The following CSMD3 variants were observed in gnomAD, a reference collection of about 807,000 sequenced individuals.
The protein encoded by CSMD3 is CUB and Sushi multiple domains 3, also known as CUB and sushi domain-containing protein 3.
In CSMD3, 177 loss-of-function variants were observed where a neutral mutation model predicts 435.2. The observed-to-expected ratio is 0.41, with a 90% CI of 0.36 to 0.46. CSMD3 has a LOEUF of 0.46. Ranked by LOEUF, CSMD3 falls within the 20% of genes least tolerant of loss-of-function variation. CSMD3 has a pLI of 0.34. For synonymous variants in CSMD3, 1,656 were observed against 1,520.5 expected, an observed-to-expected ratio of 1.09 and a Z score of -2.07; for missense variants, 4,265 against 4,504.6, an observed-to-expected ratio of 0.95 and a Z score of 1.52.
intron 11 of CSMD3, among the ~76,000 whole-genome samples, chr8:112,852,766 C>T (rs992875143): frequency 2.0e-5 from 3 of 151,784 alleles, no homozygotes; most frequent in African/African-American, 7.3e-5. Flanking sequence ...ACTAAAAATA[C>T]AAAAAATTAG....
intron 1 of CSMD3, among the ~76,000 whole-genome samples, chr8:113,416,085 C>G (rs76956580): frequency 0.018 from 2,744 of 152,034 alleles, 93 homozygotes; most frequent in African/African-American, 0.06. Flanking sequence ...TTTCTATGTC[C>G]TTAGCATAGC....
chr8:113,024,490 T>A (rs1026586178), intron 5 of CSMD3, among the ~76,000 whole-genome samples: 15 of 152,196 alleles, frequency 9.9e-5, no homozygotes, highest in African/African-American at 3.4e-4. Flanking sequence ...TATTGCTGGG[T>A]CATATGGTAG....
rs927697057 is a variant in CSMD3, at chr8:112,552,448, G to A, written c.4361+146C>T. ...TTGCAGTGAGCCGAGATCGAGCCCTGCCTTCCGGTCTGGATGTCAGAGCAA... is the reference window on the plus strand; with the variant it reads ...TTGCAGTGAGCCGAGATCGAGCCCTACCTTCCGGTCTGGATGTCAGAGCAA... On this transcript the variant is annotated intron_variant, in intron 26 of 70. Transcript: ENST00000297405. 9.5e-6 allele frequency: 7 copies of A among 738,604 alleles called. No individual in the cohort carries two copies. The African/African-American group carries it at 1.2e-4, about 13-fold the overall frequency. The allele number at this position is 738,604 out of a possible 1,614,324, so 45.8% of individuals were successfully genotyped here.
chr8:113,067,170 T>C (rs1175852756), intron 5 of CSMD3, among the ~76,000 whole-genome samples: 1 of 152,158 alleles, frequency 6.6e-6, no homozygotes, highest in Non-Finnish European at 1.5e-5. Flanking sequence ...TAAATTCCCT[T>C]TTATACTTAC....
At position 112,980,356 on chromosome 8, in the gene CSMD3, A is replaced by G. The variant is rs141013445; in HGVS notation, c.1031-4208T>C. 6.7e-3 allele frequency among the ~76,000 whole-genome samples: 1,008 copies of G among 151,464 alleles called. 11 individuals carry two copies. The highest frequency in any genetic ancestry group is 0.023 in the African/African-American group (965 of 41,512). On this transcript the variant is annotated intron_variant, in intron 6 of 70. Coordinates refer to ENST00000297405, the MANE Select transcript of CSMD3 (RefSeq NM_198123.2). ...ACTTATGTTTAGCACATTATGTTAC[A>G]TAAATTAGTTTAATATATTCTGTTC...
chr8:112,971,799 G>T (rs950206704), intron 7 of CSMD3, among the ~76,000 whole-genome samples: 1 of 151,994 alleles, frequency 6.6e-6, no homozygotes, highest in African/African-American at 2.4e-5. Flanking sequence ...AACGTGCAAA[G>T]AATCTTCAAA....
intron 3 of CSMD3, among the ~76,000 whole-genome samples, chr8:113,214,276 T>A (rs72687648): frequency 0.096 from 14,581 of 152,098 alleles, 905 homozygotes; most frequent in Middle Eastern, 0.17. Flanking sequence ...GAGGTGCATG[T>A]GAAGCTTTTA....
At chr8:112,958,343 T>C (rs968812733) in intron 7 of CSMD3, among the ~76,000 whole-genome samples, 1 of 152,222 alleles carries the variant, frequency 6.6e-6, no homozygotes, top group Non-Finnish European at 1.5e-5. Context: ...TCAGTTTGAC[T>C]GTTTTTTTGT....
chr8:112,691,096 T>C (rs1220077096), intron 13 of CSMD3, among the ~76,000 whole-genome samples: 1 of 152,138 alleles, frequency 6.6e-6, no homozygotes, highest in Admixed American at 6.6e-5. Flanking sequence ...AACTATGCAG[T>C]ATTGTTTCAT....
intron 3 of CSMD3, among the ~76,000 whole-genome samples, chr8:113,191,173 A>G (rs2092579529): frequency 6.6e-6 from 1 of 151,826 alleles, no homozygotes; most frequent in African/African-American, 2.4e-5. Context: ...AGAGATAAAT[A>G]ATGCACGTGG....
chr8:112,683,376 G>A lies in CSMD3; in HGVS notation c.2483-740C>T, dbSNP rs1039669269. Among the ~76,000 whole-genome samples the A allele has an allele frequency of 3.9e-5, 6 of 151,946 alleles. No homozygotes were observed. In the South Asian group the frequency reaches 6.2e-4, roughly 16 times the overall value. ...AGGATTGAAATGTATCCCCTGGACC[G>A]GATTTTAATTTCTTCTCAACAACCT... On this transcript the variant is annotated intron_variant, in intron 15 of 70. Transcript: ENST00000297405.
At chr8:113,241,424 C>G (rs1361544536) in intron 3 of CSMD3, among the ~76,000 whole-genome samples, 2 of 151,774 alleles carry the variant, frequency 1.3e-5, no homozygotes, top group South Asian at 2.1e-4. Context: ...AATAGCTATG[C>G]CTACGTTGAT....
chr8:113,162,502 T>A (rs1343775909), intron 4 of CSMD3, among the ~76,000 whole-genome samples: 1 of 150,448 alleles, frequency 6.6e-6, no homozygotes, highest in Non-Finnish European at 1.5e-5. Context: ...GAGGCAGAGG[T>A]TGCAGTGAGC....
At chr8:113,129,383 A>G (rs1252942300) in intron 4 of CSMD3, among the ~76,000 whole-genome samples, 1 of 152,134 alleles carries the variant, frequency 6.6e-6, no homozygotes, top group Non-Finnish European at 1.5e-5. Flanking sequence ...TCAGAGATCC[A>G]ATGATAAGAT....
intron 13 of CSMD3, among the ~76,000 whole-genome samples, chr8:112,744,808 A>G (rs2077391343): frequency 6.6e-6 from 1 of 152,154 alleles, no homozygotes. Flanking sequence ...AAACAAAGAT[A>G]AGAGACAGCA....
intron 6 of CSMD3, among the ~76,000 whole-genome samples, chr8:112,981,087 T>G (rs899192645): frequency 6.6e-6 from 1 of 151,538 alleles, no homozygotes; most frequent in Non-Finnish European, 1.5e-5. Context: ...ATTGATCTTA[T>G]AAAATTTGAT....
At chr8:113,246,543 A>AAAT (rs1218626324) in intron 3 of CSMD3, among the ~76,000 whole-genome samples, 1 of 152,040 alleles carries the variant, frequency 6.6e-6, no homozygotes, top group Non-Finnish European at 1.5e-5. Context: ...ACTTATTTAA[A>AAAT]GTCTTTGTCT....
intron 32 of CSMD3, among the ~76,000 whole-genome samples, chr8:112,449,703 G>C (rs928583958): frequency 1.1e-4 from 16 of 152,034 alleles, no homozygotes; most frequent in African/African-American, 3.9e-4. Context: ...AATAGTGCTC[G>C]GTCATCATTG....
At position 112,689,944 on chromosome 8, in the gene CSMD3, C is replaced by A. The variant is rs2131824384; in HGVS notation, c.2079G>T (p.Gly693=). The A allele has an allele frequency of 6.2e-7, 1 of 1,613,294 alleles. No individual in the cohort carries two copies. The highest frequency in any genetic ancestry group is 8.5e-7 in the Non-Finnish European group (1 of 1,179,462). The change falls in exon 14 of 71, where the codon GGG becomes GGT. Residue 693 remains glycine, a synonymous_variant. Coordinates refer to ENST00000297405, the MANE Select transcript of CSMD3 (RefSeq NM_198123.2). ...TGGATTTCTCTCCAATTAATTCAAACCCAAACTGGCATTCAAACCTTAAAA... is the reference window on the plus strand; with the variant it reads ...TGGATTTCTCTCCAATTAATTCAAAACCAAACTGGCATTCAAACCTTAAAA... ...RDVLRFECQF[G]FELIGEKSIV...
Sources: gnomAD v4.1 joint callset for allele counts (sites outside exome capture counted in the v4.1 genomes callset) on GRCh38, gnomAD v4.1.1 for gene constraint, MANE v1.5 for transcripts, NCBI Gene and HGNC (gene_info 2026-07-23, HGNC 2026-07-21) for gene names.